CLNK: variants seen among roughly 807,000 people sequenced by gnomAD.
CLNK encodes the protein cytokine dependent hematopoietic cell linker.
Under a neutral mutation model 68.6 loss-of-function variants are expected in CLNK, and 74 were observed. The ratio of observed to expected loss-of-function variants is 1.08; its 90% confidence interval spans 0.89 to 1.31. The LOEUF is 1.31. CLNK is among the 50% of genes most tolerant of loss of function. The pLI is 0.00. For synonymous variants in CLNK, 198 were observed against 172.2 expected, an observed-to-expected ratio of 1.15 and a Z score of -1.17; for missense variants, 553 against 515.3, an observed-to-expected ratio of 1.07 and a Z score of -0.71.
intron 2 of CLNK, among the ~76,000 whole-genome samples, chr4:10,643,329 G>C (rs1196328516): frequency 6.6e-6 from 1 of 152,198 alleles, no homozygotes; most frequent in Admixed American, 6.5e-5. Flanking sequence ...ATGTCTCTTG[G>C]ATGTCTACTC....
chr4:10,577,154 A>G (rs1384297937), intron 4 of CLNK, among the ~76,000 whole-genome samples: 1 of 152,202 alleles, frequency 6.6e-6, no homozygotes, highest in Non-Finnish European at 1.5e-5. Context: ...AAAGCAAGTC[A>G]GTTAGCAGGT....
intron 4 of CLNK, among the ~76,000 whole-genome samples, chr4:10,580,944 C>G (rs1351164698): frequency 6.6e-6 from 1 of 152,202 alleles, no homozygotes; most frequent in Non-Finnish European, 1.5e-5. Context: ...TCACTCACCA[C>G]TCATTCGTTA....
intron 2 of CLNK, among the ~76,000 whole-genome samples, chr4:10,633,787 A>T (rs751433444): frequency 1.2e-4 from 19 of 152,262 alleles, no homozygotes; most frequent in Non-Finnish European, 2.6e-4. Flanking sequence ...TATTGCCATA[A>T]TCAGTGCTAG....
chr4:10,488,963 GAC>G lies in CLNK; in HGVS notation c.*1502_*1503del, dbSNP rs1667122754. On this transcript the variant is annotated 3_prime_UTR_variant, in exon 19 of 19. Coordinates refer to ENST00000226951, the MANE Select transcript of CLNK (RefSeq NM_052964.4). The stretch of plus-strand genomic sequence containing the variant: ...TCATGATATACTGTTATTTTCGACA[GAC>G]AGTATGTTTTTTAAAAAAGCTTATT... 6.6e-6 allele frequency: 1 copy of G among 152,106 alleles called. No homozygotes were observed. The highest frequency in any genetic ancestry group is 6.5e-5 in the Admixed American group (1 of 15,274). 9.4% of individuals were successfully genotyped at this position (152,106 alleles called of 1,614,324 possible).
At chr4:10,639,404 T>G (rs1723221599) in intron 2 of CLNK, among the ~76,000 whole-genome samples, 1 of 152,210 alleles carries the variant, frequency 6.6e-6, no homozygotes, top group African/African-American at 2.4e-5. Flanking sequence ...GGCTTGCATA[T>G]GTCCTGCTGG....
At chr4:10,568,809 G>A (rs771488557) in intron 5 of CLNK, among the ~76,000 whole-genome samples, 24 of 152,186 alleles carry the variant, frequency 1.6e-4, no homozygotes, top group Non-Finnish European at 2.8e-4. Flanking sequence ...CAGAACAGGG[G>A]AACTAGTTGA....
intron 2 of CLNK, among the ~76,000 whole-genome samples, chr4:10,603,697 C>T (rs1560237524): frequency 6.6e-6 from 1 of 152,214 alleles, no homozygotes; most frequent in Non-Finnish European, 1.5e-5. Flanking sequence ...GAGGGCTCTT[C>T]TGAGTATCCC....
At chr4:10,606,870 A>T (rs1209554704) in intron 2 of CLNK, among the ~76,000 whole-genome samples, 3 of 152,210 alleles carry the variant, frequency 2.0e-5, no homozygotes, top group African/African-American at 7.2e-5. Flanking sequence ...AGTCATTGGG[A>T]ACAGCTTCTT....
the CLNK span, among the ~76,000 whole-genome samples, chr4:10,701,443 C>G: frequency 6.6e-6 from 1 of 152,176 alleles, no homozygotes; most frequent in African/African-American, 2.4e-5. Context: ...AATTCCTAGC[C>G]CTTGCCATGT....
chr4:10,490,925 C>T (rs1402314939), intron 18 of CLNK, among the ~76,000 whole-genome samples: 1 of 76,444 alleles, frequency 1.3e-5, no homozygotes, highest in African/African-American at 3.9e-5. Context: ...CCACCACGCC[C>T]AGCTAATTTT....
intron 5 of CLNK, among the ~76,000 whole-genome samples, chr4:10,570,942 T>G (rs942251913): frequency 3.3e-5 from 5 of 152,236 alleles, no homozygotes; most frequent in African/African-American, 1.2e-4. Flanking sequence ...AAATATATTA[T>G]AAAATCTGTG....
intron 17 of CLNK, among the ~76,000 whole-genome samples, chr4:10,503,617 A>G (rs988927438): frequency 2.0e-5 from 3 of 148,534 alleles, no homozygotes; most frequent in East Asian, 1.9e-4. Flanking sequence ...ATATATAATA[A>G]TGGTAATAAT....
chr4:10,614,238 T>C (rs1577168564), intron 2 of CLNK, among the ~76,000 whole-genome samples: 1 of 152,378 alleles, frequency 6.6e-6, no homozygotes, highest in East Asian at 1.9e-4. Flanking sequence ...GTTAGACATC[T>C]TGTGTGTATG....
At chr4:10,543,598 T>A (rs1055221573) in intron 8 of CLNK, among the ~76,000 whole-genome samples, 1 of 152,148 alleles carries the variant, frequency 6.6e-6, no homozygotes, top group African/African-American at 2.4e-5. Context: ...CAGCCCGCTC[T>A]CCACTGCACC....
Position 10,520,802 on chromosome 4 carries a change from A to G in CLNK, c.761T>C (p.Val254Ala). 1 of 1,607,030 alleles carries G rather than the reference A, an allele frequency of 6.2e-7. No individual in the cohort carries two copies. The highest frequency in any genetic ancestry group is 8.5e-7 in the Non-Finnish European group (1 of 1,175,366). The change falls in exon 15 of 19, where the codon GTG (valine) becomes GCG (alanine). Residue 254 changes from valine to alanine, a missense_variant. Transcript: ENST00000226951. Reference sequence around the variant, plus strand: ...GAAAGTGCTCTTACCTCTGTTTTGCACACTGTGGTTGCTTGTCGTGAATGA... The same window carrying G: ...GAAAGTGCTCTTACCTCTGTTTTGCGCACTGTGGTTGCTTGTCGTGAATGA... The part of the protein sequence containing the change: ...SSSFTTSNHS[V>A]QNRDHRGGMQ...
At chr4:10,503,568 ATAAT>A (rs1479321738) in intron 17 of CLNK, among the ~76,000 whole-genome samples, 1 of 148,446 alleles carries the variant, frequency 6.7e-6, no homozygotes, top group Non-Finnish European at 1.5e-5. Context: ...ATAGCTATAT[ATAAT>A]TATATACTTC....
chr4:10,578,818 T>G (rs1247547219), intron 4 of CLNK, among the ~76,000 whole-genome samples: 1 of 152,112 alleles, frequency 6.6e-6, no homozygotes, highest in Non-Finnish European at 1.5e-5. Context: ...GTAATCCACC[T>G]GCCTCAGCCT....
At chr4:10,632,750 T>A (rs1442423835) in intron 2 of CLNK, among the ~76,000 whole-genome samples, 1 of 152,244 alleles carries the variant, frequency 6.6e-6, no homozygotes, top group Non-Finnish European at 1.5e-5. Context: ...TTGTCATTTT[T>A]ATTCAGTTTT....
rs1359702000 is a variant in CLNK at position 10,525,861 on chromosome 4, C to A, written c.711G>T (p.Glu237Asp). Residue 237 changes from glutamate to aspartate, a missense_variant, in exon 14 of 19, where the codon GAG becomes GAT. Transcript: ENST00000226951. ...CTTACCTGCTAATGGCAAGTGGAATCTCTTGAGTATTTTGGTTTTCTAACA... is the reference window on the plus strand; with the variant it reads ...CTTACCTGCTAATGGCAAGTGGAATATCTTGAGTATTTTGGTTTTCTAACA... ...THLLENQNTQ[E>D]IPLAISSSSF... The A allele has an allele frequency of 6.3e-7, 1 of 1,583,372 alleles. No individual in the cohort carries two copies. The highest frequency in any genetic ancestry group is 8.6e-7 in the Non-Finnish European group (1 of 1,162,732).
Sources: allele counts gnomAD v4.1 joint callset (sites outside exome capture counted in the v4.1 genomes callset), GRCh38; gene constraint gnomAD v4.1.1; transcripts MANE v1.5; gene names NCBI Gene and HGNC (gene_info 2026-07-23, HGNC 2026-07-21).